The following GOLM2 variants were observed in gnomAD, a reference collection of about 807,000 sequenced individuals.
GOLM2 encodes the protein protein GOLM2.
A neutral mutation model predicts 55.9 loss-of-function variants in GOLM2; 26 were observed. The ratio of observed to expected loss-of-function variants is 0.47; its 90% confidence interval spans 0.34 to 0.65. The LOEUF is 0.65. GOLM2 is among the 30% of genes least tolerant of loss of function. The pLI is 0.01. For synonymous variants in GOLM2, 165 were observed against 194.6 expected (o/e 0.85, Z 1.27); for missense variants, 486 against 531.8 (o/e 0.91, Z 0.85).
intron 8 of GOLM2, among the ~76,000 whole-genome samples, chr15:44,388,577 G>C (rs2079464703): frequency 6.6e-6 from 1 of 151,956 alleles, no homozygotes; most frequent in East Asian, 2.0e-4. Context: ...GGGTGGCTGA[G>C]TTAGCAGGAT....
intron 9 of GOLM2, 86 bp downstream of exon 9, chr15:44,403,140 T>A: frequency 6.8e-7 from 1 of 1,465,916 alleles, no homozygotes; most frequent in Non-Finnish European, 9.5e-7. Flanking sequence ...TTCCCCCACT[T>A]ATTAGTGGCA....
rs142878670 is a variant in GOLM2 at position 44,355,846 on chromosome 15, G to T, written c.802+17529G>T. Among the ~76,000 whole-genome samples, 64 of 152,140 alleles carry T rather than the reference G, an allele frequency of 4.2e-4. 2 individuals carry two copies. In the East Asian group the frequency reaches 0.011, roughly 27 times the overall value. ...CCATATCCCCTGAAGAATGGGAGGGGTCTAGAGAGCCCCCACCTTGTCATG... is the reference window on the plus strand; with the variant it reads ...CCATATCCCCTGAAGAATGGGAGGGTTCTAGAGAGCCCCCACCTTGTCATG... On this transcript the variant is annotated intron_variant, in intron 6 of 9. Transcript: ENST00000299957.
chr15:44,368,728 C>CAT (rs1418823659), intron 6 of GOLM2, among the ~76,000 whole-genome samples: 6 of 151,280 alleles, frequency 4.0e-5, no homozygotes, highest in Non-Finnish European at 8.8e-5. Context: ...CATATACACA[C>CAT]ATATATATAC....
rs568003140 is a variant in GOLM2 at position 44,395,700 on chromosome 15, T to C, written c.1073-7187T>C. Among the ~76,000 whole-genome samples the C allele has an allele frequency of 1.3e-3, 197 of 151,222 alleles. 2 individuals carry two copies. Among genetic ancestry groups the C allele is most frequent in the African/African-American group, 4.7e-3 (192 of 41,202 alleles). ...CCTAAAAATGCAAAAATCAGCTGGG[T>C]GTGGTGGTACGCGCCTGTAGTCCCA... On this transcript the variant is annotated intron_variant, in intron 8 of 9. Transcript: ENST00000299957.
At chr15:44,294,481 G>A (rs899509223) in intron 1 of GOLM2, among the ~76,000 whole-genome samples, 19 of 151,850 alleles carry the variant, frequency 1.3e-4, no homozygotes, top group Admixed American at 6.6e-4. Context: ...TTGGGAGGCC[G>A]AGGTGGGCAG....
Position 44,380,144 on chromosome 15 carries a change from C to T in GOLM2, c.901+356C>T, listed in dbSNP as rs552938138. On this transcript the variant is annotated intron_variant, in intron 7 of 9. Coordinates refer to ENST00000299957, the MANE Select transcript of GOLM2 (RefSeq NM_138423.4). ...CAGTGCCCACCTATATTAAAATCTT[C>T]GTACTTATGAATGTATTTGTTTATT... Among the ~76,000 whole-genome samples, 8 of 152,150 alleles carry T rather than the reference C, an allele frequency of 5.3e-5. No individual in the cohort carries two copies. In the South Asian group the frequency reaches 1.5e-3, roughly 28 times the overall value.
At chr15:44,312,235 G>A (rs2078879703) in intron 1 of GOLM2, among the ~76,000 whole-genome samples, 1 of 152,064 alleles carries the variant, frequency 6.6e-6, no homozygotes, top group Non-Finnish European at 1.5e-5. Context: ...CATATAACCA[G>A]ATTTGCAGGA....
chr15:44,311,423 T>C (rs1025743124), intron 1 of GOLM2, among the ~76,000 whole-genome samples: 1 of 152,188 alleles, frequency 6.6e-6, no homozygotes, highest in Non-Finnish European at 1.5e-5. Context: ...TGCCTGTATT[T>C]TTCAAATGAA....
chr15:44,408,919 G>T (rs1567046101), intron 9 of GOLM2, among the ~76,000 whole-genome samples: 1 of 151,652 alleles, frequency 6.6e-6, no homozygotes, highest in Non-Finnish European at 1.5e-5. Flanking sequence ...AGCCGAGATC[G>T]CCTACTGCAC....
intron 9 of GOLM2, among the ~76,000 whole-genome samples, chr15:44,408,058 C>T (rs1332955911): frequency 6.6e-6 from 1 of 152,110 alleles, no homozygotes; most frequent in Non-Finnish European, 1.5e-5. Flanking sequence ...CATGGTAGCG[C>T]TTTCTTTAAT....
chr15:44,378,059 A>T (rs575475894), intron 6 of GOLM2, among the ~76,000 whole-genome samples: 1,940 of 149,092 alleles, frequency 0.013, 37 homozygotes, highest in African/African-American at 0.041. Context: ...TTATTTATTT[A>T]TTTTTTTGAG....
At chr15:44,358,270 C>T (rs948560431) in intron 6 of GOLM2, among the ~76,000 whole-genome samples, 7 of 152,216 alleles carry the variant, frequency 4.6e-5, no homozygotes, top group African/African-American at 1.7e-4. Context: ...ATGAGAGTCA[C>T]TTGAACCCAG....
chr15:44,333,969 C>G lies in GOLM2; in HGVS notation c.576+1891C>G, dbSNP rs190751885. Among the ~76,000 whole-genome samples the G allele has an allele frequency of 2.0e-5, 3 of 152,290 alleles. No individual in the cohort carries two copies. The East Asian group carries it at 5.8e-4, about 29-fold the overall frequency. ...CGACCTCGTGATCTGCCCGCCTCAG[C>G]CTCCCAAAGTGCTGGGATTACAGGC... is the stretch of plus-strand genomic sequence containing the variant. On this transcript the variant is annotated intron_variant, in intron 4 of 9. Coordinates refer to ENST00000299957, the MANE Select transcript of GOLM2 (RefSeq NM_138423.4).
At chr15:44,303,027 T>C (rs2078809951) in intron 1 of GOLM2, among the ~76,000 whole-genome samples, 1 of 151,932 alleles carries the variant, frequency 6.6e-6, no homozygotes, top group East Asian at 1.9e-4. Flanking sequence ...CAATTGAACC[T>C]GGGAGGCAGA....
chr15:44,320,840 T>A (rs1228550734), intron 1 of GOLM2, among the ~76,000 whole-genome samples: 1 of 152,364 alleles, frequency 6.6e-6, no homozygotes, highest in East Asian at 1.9e-4. Flanking sequence ...TTCCAACTCT[T>A]CTTTTCATGT....
At chr15:44,344,778 T>A (rs1264422848) in intron 6 of GOLM2, among the ~76,000 whole-genome samples, 5 of 148,362 alleles carry the variant, frequency 3.4e-5, no homozygotes, top group Non-Finnish European at 7.4e-5. Context: ...TTTATTTAAT[T>A]AATTTTTTTT....
chr15:44,331,226 A>G (rs1054933100), intron 3 of GOLM2, among the ~76,000 whole-genome samples: 3 of 152,184 alleles, frequency 2.0e-5, no homozygotes, highest in African/African-American at 7.2e-5. Context: ...TGTGTTGGCC[A>G]GACTGATCTC....
intron 6 of GOLM2, among the ~76,000 whole-genome samples, chr15:44,346,485 T>C (rs2079125460): frequency 2.0e-5 from 3 of 152,224 alleles, no homozygotes. Flanking sequence ...ACTGTATTAA[T>C]GCAGTAGCCA....
intron 1 of GOLM2, among the ~76,000 whole-genome samples, chr15:44,303,785 G>C (rs1025587179): frequency 6.7e-6 from 1 of 148,912 alleles, no homozygotes; most frequent in Non-Finnish European, 1.5e-5. Context: ...CACCAGGCTG[G>C]AGTGCAGTGG....
Sources: gnomAD v4.1 joint callset for allele counts (sites outside exome capture counted in the v4.1 genomes callset) on GRCh38, gnomAD v4.1.1 for gene constraint, MANE v1.5 for transcripts, NCBI Gene and HGNC (gene_info 2026-07-23, HGNC 2026-07-21) for gene names.